The following CCDC102B variants were observed in gnomAD, a reference collection of about 807,000 sequenced individuals.
CCDC102B encodes coiled-coil domain-containing protein 102B.
Under a neutral mutation model 57.4 loss-of-function variants are expected in CCDC102B, and 75 were observed. That is an observed-to-expected ratio of 1.31 (90% confidence interval 1.08 to 1.58). The LOEUF is 1.58. Among genes scored for constraint, CCDC102B ranks in the 40% most tolerant of loss-of-function variants. The pLI is 0.00. For synonymous variants in CCDC102B, 206 were observed against 201.9 expected (o/e 1.02, Z -0.17); for missense variants, 636 against 582.6 (o/e 1.09, Z -0.94).
chr18:68,878,268 T>C (rs747192138), intron 5 of CCDC102B, among the ~76,000 whole-genome samples: 17 of 152,096 alleles, frequency 1.1e-4, no homozygotes, highest in Non-Finnish European at 2.2e-4. Context: ...GGCTAACTTT[T>C]GCATGTTTTT....
chr18:68,892,891 G>A (rs186810724), intron 5 of CCDC102B, among the ~76,000 whole-genome samples: 1 of 152,268 alleles, frequency 6.6e-6, no homozygotes, highest in East Asian at 1.9e-4. Flanking sequence ...ATTAGACAAT[G>A]GCTCTCATAT....
At chr18:68,847,677 A>C (rs767042641) in intron 4 of CCDC102B, among the ~76,000 whole-genome samples, 51 of 151,904 alleles carry the variant, frequency 3.4e-4, no homozygotes, top group Non-Finnish European at 6.5e-4. Flanking sequence ...TGTAAGGTGG[A>C]TCTGATGACC....
intron 2 of CCDC102B, chr18:68,754,729 T>G (rs2033985105): frequency 6.6e-6 from 1 of 152,150 alleles, no homozygotes; most frequent in Admixed American, 6.6e-5. Context: ...CTCCTCAAAT[T>G]CCTATGCTGA....
intron 7 of CCDC102B, among the ~76,000 whole-genome samples, chr18:69,016,300 C>T (rs1218699445): frequency 6.6e-6 from 1 of 152,204 alleles, no homozygotes; most frequent in African/African-American, 2.4e-5. Flanking sequence ...ATAAGCAAAA[C>T]TTTTAGAAAA....
At chr18:68,877,766 CAT>C (rs1277847890) in intron 5 of CCDC102B, among the ~76,000 whole-genome samples, 3 of 152,176 alleles carry the variant, frequency 2.0e-5, no homozygotes, top group Non-Finnish European at 2.9e-5. Flanking sequence ...CTTCTGGAAA[CAT>C]ATGCCTTAAA....
At chr18:68,921,899 T>G (rs1300004403) in intron 6 of CCDC102B, among the ~76,000 whole-genome samples, 1 of 152,200 alleles carries the variant, frequency 6.6e-6, no homozygotes, top group Middle Eastern at 3.2e-3. Context: ...CCATTGTTAG[T>G]CATAATTTGT....
rs2038478693 is a variant in CCDC102B, at chr18:68,857,257, A to ATAT, written c.936+10836_936+10837insTAT. On this transcript the variant is annotated intron_variant, in intron 4 of 7. Coordinates refer to ENST00000360242, the MANE Select transcript of CCDC102B (RefSeq NM_024781.3). ...ATATATAAATATATATTTATTATTTAAATATATAAATATATATATAATATA... is the reference window on the plus strand; with the variant it reads ...ATATATAAATATATATTTATTATTTATATAATATATAAATATATATATAATATA... 2.0e-4 allele frequency among the ~76,000 whole-genome samples: 9 copies of ATAT among 43,958 alleles called. 1 individual carries two copies. Among genetic ancestry groups the ATAT allele is most frequent in the Admixed American group, 5.0e-4 (1 of 2,020 alleles). The allele number at this position is 43,958 out of a possible 152,430, so 28.8% of individuals were successfully genotyped here.
intron 7 of CCDC102B, among the ~76,000 whole-genome samples, chr18:69,013,384 G>A (rs888676959): frequency 3.3e-5 from 5 of 152,086 alleles, no homozygotes; most frequent in African/African-American, 1.2e-4. Context: ...AAGGTGGGGT[G>A]GAAGGAGGGT....
At chr18:68,773,789 T>G (rs567961576) in intron 2 of CCDC102B, among the ~76,000 whole-genome samples, 1 of 152,136 alleles carries the variant, frequency 6.6e-6, no homozygotes, top group African/African-American at 2.4e-5. Flanking sequence ...TCTTAAAATA[T>G]TTGGGTGGCA....
intron 2 of CCDC102B, among the ~76,000 whole-genome samples, chr18:68,746,957 A>AT (rs1323818606): frequency 2.6e-5 from 4 of 152,018 alleles, no homozygotes; most frequent in African/African-American, 9.7e-5. Context: ...TAATTGACAC[A>AT]TCATAACTAT....
At chr18:69,024,900 G>T (rs1353669722) in intron 7 of CCDC102B, among the ~76,000 whole-genome samples, 2 of 151,940 alleles carry the variant, frequency 1.3e-5, no homozygotes, top group Non-Finnish European at 2.9e-5. Flanking sequence ...TCTTATATAG[G>T]TTTATGTCAG....
At chr18:68,958,191 T>C (rs1409559394) in intron 6 of CCDC102B, among the ~76,000 whole-genome samples, 1 of 152,148 alleles carries the variant, frequency 6.6e-6, no homozygotes, top group Non-Finnish European at 1.5e-5. Context: ...AGTTACCTCC[T>C]ACTGGGTCTC....
chr18:68,996,999 G>A (rs2051046013), intron 6 of CCDC102B, among the ~76,000 whole-genome samples: 1 of 152,122 alleles, frequency 6.6e-6, no homozygotes, highest in Non-Finnish European at 1.5e-5. Flanking sequence ...CCCTCATCCT[G>A]TTCTTGTGAT....
At chr18:68,912,503 T>G (rs1403448074) in intron 6 of CCDC102B, among the ~76,000 whole-genome samples, 1 of 152,252 alleles carries the variant, frequency 6.6e-6, no homozygotes, top group Non-Finnish European at 1.5e-5. Flanking sequence ...AAATCTGTTT[T>G]AACAAGTCAC....
At chr18:68,984,969 G>A (rs2050686712) in intron 6 of CCDC102B, among the ~76,000 whole-genome samples, 1 of 151,898 alleles carries the variant, frequency 6.6e-6, no homozygotes, top group Non-Finnish European at 1.5e-5. Flanking sequence ...TAAGTCCCAT[G>A]TTTTGGAGAT....
intron 6 of CCDC102B, among the ~76,000 whole-genome samples, chr18:68,968,745 C>G (rs1036388152): frequency 6.6e-6 from 1 of 152,142 alleles, no homozygotes; most frequent in African/African-American, 2.4e-5. Context: ...TTGTTTACTT[C>G]TATACCTATG....
At chr18:69,025,152 C>T (rs981149832) in intron 7 of CCDC102B, among the ~76,000 whole-genome samples, 10 of 151,980 alleles carry the variant, frequency 6.6e-5, no homozygotes, top group South Asian at 2.1e-4. Context: ...AAATTCTAAT[C>T]GTGTGAACAG....
chr18:68,811,226 G>T (rs1467610245), intron 1 of CCDC102B, among the ~76,000 whole-genome samples: 1 of 152,178 alleles, frequency 6.6e-6, no homozygotes, highest in East Asian at 1.9e-4. Flanking sequence ...TAATGAGATT[G>T]CTGGGTCAAA....
chr18:68,864,715 A>G (rs777624263), intron 4 of CCDC102B, among the ~76,000 whole-genome samples: 3 of 152,018 alleles, frequency 2.0e-5, no homozygotes, highest in East Asian at 1.9e-4. Context: ...TGATTCAACT[A>G]TCATTGTCTT....
Sources: allele counts gnomAD v4.1 joint callset (sites outside exome capture counted in the v4.1 genomes callset), GRCh38; gene constraint gnomAD v4.1.1; transcripts MANE v1.5; gene names NCBI Gene and HGNC (gene_info 2026-07-23, HGNC 2026-07-21).